The following CYP7A1 variants were observed in gnomAD, a reference collection of about 807,000 sequenced individuals.
CYP7A1 encodes the protein cytochrome P450 7A1.
CYP7A1 carries 28 observed loss-of-function variants against 43.8 expected under a neutral mutation model. That is an observed-to-expected ratio of 0.64 (90% CI 0.47 to 0.88). CYP7A1 has a LOEUF of 0.88. Among genes scored for constraint, CYP7A1 ranks in the 40% least tolerant of loss-of-function variants. The probability of loss-of-function intolerance (pLI) is 0.00; values close to 1 mark genes in which losing one functional copy is unlikely to be tolerated. For synonymous variants in CYP7A1, 227 were observed against 222.5 expected (o/e 1.02, Z -0.18); for missense variants, 637 against 611.9 (o/e 1.04, Z -0.43).
Position 58,491,454 on chromosome 8 carries a change from C to A in CYP7A1, c.*21G>T. On this transcript the variant is annotated 3_prime_UTR_variant, in exon 6 of 6. Transcript: ENST00000301645. Reference sequence around the variant, plus strand: ...GCAGTCCTGTAATATCATCTAGTGTCCTCTTATTCCAGCCATGTATTCACA... The same window carrying A: ...GCAGTCCTGTAATATCATCTAGTGTACTCTTATTCCAGCCATGTATTCACA... The A allele has an allele frequency of 1.2e-6, 2 of 1,607,932 alleles. No individual in the cohort carries two copies. The highest frequency in any genetic ancestry group is 1.7e-6 in the Non-Finnish European group (2 of 1,175,016).
At chr8:58,493,396 C>T (rs956213831) in intron 4 of CYP7A1, among the ~76,000 whole-genome samples, 2 of 152,132 alleles carry the variant, frequency 1.3e-5, no homozygotes, top group Admixed American at 6.5e-5. Flanking sequence ...TGGCGATCAC[C>T]GCTGCCCGGT....
intron 4 of CYP7A1, among the ~76,000 whole-genome samples, chr8:58,494,108 C>T (rs1167995764): frequency 1.3e-5 from 2 of 151,984 alleles, no homozygotes; most frequent in Non-Finnish European, 2.9e-5. Context: ...TCACTCAATC[C>T]ATGCAGGTAA....
chr8:58,494,036 G>T (rs1004883046), intron 4 of CYP7A1, among the ~76,000 whole-genome samples: 7 of 152,056 alleles, frequency 4.6e-5, no homozygotes, highest in African/African-American at 1.4e-4. Context: ...ATATCATATT[G>T]TTATAGTTCC....
In CYP7A1 at chr8:58,491,671, C is replaced by G. The variant is rs367898327; in HGVS notation, c.1319G>C (p.Gly440Ala). The part of the protein sequence containing the change: ...LKYYYMPFGS[G>A]ATICPGRLFA... Reference sequence around the variant, plus strand: ...CAATCTTCCAGGACATATTGTAGCTCCCGATCCAAAGGGCATGTAGTAATA... The same window carrying G: ...CAATCTTCCAGGACATATTGTAGCTGCCGATCCAAAGGGCATGTAGTAATA... The change falls in exon 6 of 6, where the codon GGA becomes GCA. Residue 440 changes from glycine (G) to alanine (A), a missense_variant. By Grantham distance (60) the Gly-to-Ala change is moderately conservative (BLOSUM62 0). Coordinates refer to ENST00000301645, the MANE Select transcript of CYP7A1 (RefSeq NM_000780.4). The G allele has an allele frequency of 6.2e-7, 1 of 1,613,926 alleles. No homozygotes were observed. The highest frequency in any genetic ancestry group is 1.3e-5 in the African/African-American group (1 of 74,900).
rs1373118800 is a variant in CYP7A1 at position 58,490,747 on chromosome 8, T to G, written c.*728A>C. ...CTTTAGTGTTTTTGGGAAATCAAGA[T>G]AATCATGTTTAAAGCCCTGAATTTT... On this transcript the variant is annotated 3_prime_UTR_variant, in exon 6 of 6. Transcript: ENST00000301645. 1 of 152,226 alleles carries G rather than the reference T, an allele frequency of 6.6e-6. No individual in the cohort carries two copies. Among genetic ancestry groups the G allele is most frequent in the East Asian group, 1.9e-4 (1 of 5,202 alleles). The allele number at this position is 152,226 out of a possible 1,614,324, so 9.4% of individuals were successfully genotyped here. A position where few individuals can be genotyped will look rare whatever the true frequency, so the allele number is the denominator to read the frequency against.
chr8:58,496,516 C>A (rs1409303254), intron 3 of CYP7A1, 88 bp downstream of exon 3: 11 of 1,021,844 alleles, frequency 1.1e-5, no homozygotes, highest in Non-Finnish European at 1.6e-5. Context: ...TGATAAAGTA[C>A]TACGAGGCTT....
intron 5 of CYP7A1, 147 bp from the exon 6 acceptor site, chr8:58,491,921 T>A: frequency 1.4e-6 from 1 of 704,890 alleles, no homozygotes; most frequent in Non-Finnish European, 2.4e-6. Context: ...AATCAGAAAG[T>A]AATAAGGAAC....
rs1296030624 is a variant in CYP7A1, at chr8:58,491,416, G to A, written c.*59C>T. ...TGCATTTGTCCAAAGGGACTGTGTG[G>A]TGAGGGTGTTCTGCAGTCCTGTAAT... On this transcript the variant is annotated 3_prime_UTR_variant, in exon 6 of 6. Coordinates refer to ENST00000301645, the MANE Select transcript of CYP7A1 (RefSeq NM_000780.4). The A allele has an allele frequency of 3.4e-6, 5 of 1,459,774 alleles. No individual in the cohort carries two copies. The highest frequency in any genetic ancestry group is 2.8e-5 in the African/African-American group (2 of 71,776). The allele number at this position is 1,459,774 out of a possible 1,614,324, so 90.4% of individuals were successfully genotyped here. A position where few individuals can be genotyped will look rare whatever the true frequency, so the allele number is the denominator to read the frequency against.
At position 58,496,720 on chromosome 8, in the gene CYP7A1, A is replaced by G. The variant is rs778330127; in HGVS notation, c.792T>C (p.Asn264=). 2 of 1,614,242 alleles carry G rather than the reference A, an allele frequency of 1.2e-6. No individual in the cohort carries two copies. ...SELISLRMFL[N]DTLSTFDDLE... The stretch of plus-strand genomic sequence containing the variant: ...GATCATCAAAGGTGGACAAAGTGTC[A>G]TTGAGAAACATGCGCAGGCTGATCA... Residue 264 remains asparagine (N), a synonymous_variant, in exon 3 of 6, where the codon AAT becomes AAC. Coordinates refer to ENST00000301645, the MANE Select transcript of CYP7A1 (RefSeq NM_000780.4).
chr8:58,492,593 C>G (rs1809368369), intron 4 of CYP7A1, 65 bp from the exon 5 acceptor site: 2 of 1,380,856 alleles, frequency 1.4e-6, no homozygotes, highest in African/African-American at 2.9e-5. Context: ...AAGAGAAGAA[C>G]AAACCAAGTG....
chr8:58,493,593 C>T (rs1024233961), intron 4 of CYP7A1, among the ~76,000 whole-genome samples: 10 of 152,142 alleles, frequency 6.6e-5, no homozygotes, highest in African/African-American at 2.2e-4. Flanking sequence ...GTAAGGCCCC[C>T]AAAAGAGTAC....
At chr8:58,497,783 C>T (rs1459307094) in intron 2 of CYP7A1, among the ~76,000 whole-genome samples, 3 of 152,170 alleles carry the variant, frequency 2.0e-5, no homozygotes, top group Non-Finnish European at 4.4e-5. Flanking sequence ...TTCTCAGTAA[C>T]AGATCTTCTT....
chr8:58,499,075 T>A (rs914670042), intron 1 of CYP7A1, among the ~76,000 whole-genome samples: 1 of 152,224 alleles, frequency 6.6e-6, no homozygotes, highest in Admixed American at 6.5e-5. Flanking sequence ...TCATCTATTG[T>A]AATTCAGTGC....
Position 58,496,599 on chromosome 8 carries a change from G to A in CYP7A1, c.908+5C>T, listed in dbSNP as rs1368115076. On this transcript the variant is annotated splice_donor_5th_base_variant and intron_variant, in intron 3 of 5. Coordinates refer to ENST00000301645, the MANE Select transcript of CYP7A1 (RefSeq NM_000780.4). ...AAAAAAAGAAATGGATATGGCGTTAGTCACCTAATCATTTGAAATAAACTC... is the reference window on the plus strand; with the variant it reads ...AAAAAAAGAAATGGATATGGCGTTAATCACCTAATCATTTGAAATAAACTC... 1.9e-6 allele frequency: 3 copies of A among 1,606,802 alleles called. No homozygotes were observed. The highest frequency in any genetic ancestry group is 2.2e-5 in the East Asian group (1 of 44,862).
intron 3 of CYP7A1, among the ~76,000 whole-genome samples, chr8:58,495,903 A>G (rs1301893336): frequency 6.6e-6 from 1 of 152,238 alleles, no homozygotes; most frequent in Non-Finnish European, 1.5e-5. Context: ...ACATGATACT[A>G]AATATCTAAT....
Position 58,491,105 on chromosome 8 carries a change from G to C in CYP7A1, c.*370C>G, listed in dbSNP as rs1809344350. On this transcript the variant is annotated 3_prime_UTR_variant, in exon 6 of 6. Coordinates refer to ENST00000301645, the MANE Select transcript of CYP7A1 (RefSeq NM_000780.4). ...CTTCTTTGGCCTCTCGAGTAGCTAA[G>C]ACTACAGGTGCCTGCTACCACACCT... The C allele has an allele frequency of 4.2e-6, 1 of 239,902 alleles. No homozygotes were observed. Among genetic ancestry groups the C allele is most frequent in the Admixed American group, 5.0e-5 (1 of 20,026 alleles). The allele number at this position is 239,902 out of a possible 1,614,324, so 14.9% of individuals were successfully genotyped here.
chr8:58,492,279 A>G (rs903265207), intron 5 of CYP7A1, 74 bp downstream of exon 5: 45 of 1,175,492 alleles, frequency 3.8e-5, no homozygotes, highest in Non-Finnish European at 2.6e-6. Flanking sequence ...CAATTCTACC[A>G]TTGTAAATTT....
At chr8:58,494,764 A>G (rs1809412522) in intron 3 of CYP7A1, 128 bp from the exon 4 acceptor site, 1 of 843,196 alleles carries the variant, frequency 1.2e-6, no homozygotes. Flanking sequence ...GGAGGAGGGA[A>G]AGGGATATTC....
intron 3 of CYP7A1, among the ~76,000 whole-genome samples, chr8:58,495,106 C>G (rs1809417831): frequency 6.6e-6 from 1 of 150,828 alleles, no homozygotes; most frequent in Non-Finnish European, 1.5e-5. Context: ...TGCATTCCAG[C>G]CTTGGTGACA....
Sources: gnomAD v4.1 joint callset for allele counts (sites outside exome capture counted in the v4.1 genomes callset) on GRCh38, gnomAD v4.1.1 for gene constraint, MANE v1.5 for transcripts, NCBI Gene and HGNC (gene_info 2026-07-23, HGNC 2026-07-21) for gene names.